The following MED27 variants were observed in gnomAD, a reference collection of about 807,000 sequenced individuals.
The protein encoded by MED27 is mediator complex subunit 27, also known as mediator of RNA polymerase II transcription subunit 27.
Under a neutral mutation model 38.2 loss-of-function variants are expected in MED27, and 30 were observed. The observed-to-expected ratio is 0.79, with a 90% CI of 0.59 to 1.07. MED27 has a LOEUF of 1.07. Ranked by LOEUF, MED27 falls within the 50% of genes least tolerant of loss-of-function variation. The pLI, the probability that MED27 is intolerant of heterozygous loss-of-function variation, is 0.00. For missense variants in MED27, 289 were observed against 397.5 expected (o/e 0.73, Z 2.32); for synonymous variants, 122 against 153.5 (o/e 0.79, Z 1.52).
chr9:132,068,200 A>C lies in MED27; in HGVS notation c.348+9242T>G, dbSNP rs528918150. On this transcript the variant is annotated intron_variant, in intron 2 of 7. Transcript: ENST00000292035. ...GTACAGAGACTCCCCCGGGCCACAC[A>C]CTCGCATGCAGTATTCACATCATCC... 3.9e-5 allele frequency among the ~76,000 whole-genome samples: 6 copies of C among 152,064 alleles called. No individual in the cohort carries two copies. The East Asian group carries it at 9.7e-4, about 25-fold the overall frequency.
At chr9:132,043,953 T>C (rs1339581890) in intron 2 of MED27, among the ~76,000 whole-genome samples, 2 of 152,248 alleles carry the variant, frequency 1.3e-5, no homozygotes, top group Non-Finnish European at 2.9e-5. Flanking sequence ...ATGAGACTCA[T>C]ACACCGTAGT....
At chr9:132,000,636 T>C (rs1477761534) in intron 3 of MED27, among the ~76,000 whole-genome samples, 1 of 152,084 alleles carries the variant, frequency 6.6e-6, no homozygotes, top group Non-Finnish European at 1.5e-5. Context: ...CTGCAGTATA[T>C]CCAATTGGTG....
At chr9:131,879,903 C>A (rs1839006040) in intron 6 of MED27, among the ~76,000 whole-genome samples, 1 of 152,198 alleles carries the variant, frequency 6.6e-6, no homozygotes, top group South Asian at 2.1e-4. Flanking sequence ...TCCTAAAAAG[C>A]GGAGTTTAGA....
At chr9:131,979,632 T>C (rs769433285) in intron 3 of MED27, among the ~76,000 whole-genome samples, 14 of 152,302 alleles carry the variant, frequency 9.2e-5, no homozygotes, top group East Asian at 1.9e-4. Context: ...AAATATGGCA[T>C]TGAATAAAGA....
chr9:131,875,264 C>T (rs1319515651), intron 6 of MED27, among the ~76,000 whole-genome samples: 1 of 152,098 alleles, frequency 6.6e-6, no homozygotes, highest in Non-Finnish European at 1.5e-5. Context: ...TGGTGTCTTA[C>T]AGGATCTTCA....
intron 3 of MED27, among the ~76,000 whole-genome samples, chr9:131,959,562 G>A (rs986162227): frequency 1.3e-5 from 2 of 152,130 alleles, no homozygotes; most frequent in Non-Finnish European, 2.9e-5. Context: ...CTCTGGCTTC[G>A]GTTTCCTCTT....
chr9:131,936,605 C>T (rs1249348902), intron 4 of MED27, among the ~76,000 whole-genome samples: 2 of 152,322 alleles, frequency 1.3e-5, no homozygotes, highest in East Asian at 1.9e-4. Context: ...GGATGGAAGG[C>T]GGTTAATACG....
chr9:131,880,221 A>C (rs983325516), intron 6 of MED27, among the ~76,000 whole-genome samples: 2 of 152,190 alleles, frequency 1.3e-5, no homozygotes, highest in African/African-American at 4.8e-5. Context: ...CAAGATCCCA[A>C]ACTCATTCTG....
chr9:131,945,135 A>G (rs1053841768), intron 3 of MED27, among the ~76,000 whole-genome samples: 3 of 147,252 alleles, frequency 2.0e-5, no homozygotes, highest in African/African-American at 7.3e-5. Context: ...AAATATCTTT[A>G]TATATAAAAA....
chr9:132,014,988 A>G (rs943176286), intron 2 of MED27, among the ~76,000 whole-genome samples: 2 of 152,208 alleles, frequency 1.3e-5, no homozygotes, highest in African/African-American at 4.8e-5. Flanking sequence ...CCTTAGAGAC[A>G]AAGTTAGTTC....
At chr9:131,977,916 C>T (rs1347440431) in intron 3 of MED27, among the ~76,000 whole-genome samples, 1 of 152,100 alleles carries the variant, frequency 6.6e-6, no homozygotes, top group African/African-American at 2.4e-5. Context: ...TAGACGTGTT[C>T]CAGCTGATAG....
At chr9:131,942,460 C>T (rs1475936477) in intron 3 of MED27, among the ~76,000 whole-genome samples, 4 of 152,192 alleles carry the variant, frequency 2.6e-5, no homozygotes, top group Admixed American at 2.6e-4. Context: ...TCCGACTCAG[C>T]AGGAAGCAAA....
intron 2 of MED27, among the ~76,000 whole-genome samples, chr9:132,048,576 C>T (rs919496398): frequency 3.9e-5 from 6 of 152,152 alleles, no homozygotes; most frequent in African/African-American, 1.4e-4. Context: ...TTAAAGGTCC[C>T]CAACCTCCCA....
intron 3 of MED27, among the ~76,000 whole-genome samples, chr9:131,956,387 G>A (rs896249732): frequency 1.3e-5 from 2 of 152,132 alleles, no homozygotes; most frequent in East Asian, 1.9e-4. Flanking sequence ...AGGCCGAGGC[G>A]GGCAGATCAC....
At chr9:131,956,201 G>A (rs1831094179) in intron 3 of MED27, among the ~76,000 whole-genome samples, 1 of 152,146 alleles carries the variant, frequency 6.6e-6, no homozygotes, top group Non-Finnish European at 1.5e-5. Flanking sequence ...CCACTTTTAG[G>A]ATATACTTAC....
chr9:132,045,423 C>G (rs934647749), intron 2 of MED27, among the ~76,000 whole-genome samples: 1 of 145,690 alleles, frequency 6.9e-6, no homozygotes, highest in Non-Finnish European at 1.5e-5. Flanking sequence ...TACACACACA[C>G]ACACACACAC....
At chr9:131,918,397 A>C (rs1830331660) in intron 4 of MED27, among the ~76,000 whole-genome samples, 1 of 152,240 alleles carries the variant, frequency 6.6e-6, no homozygotes, top group South Asian at 2.1e-4. Context: ...TAAGTGCACC[A>C]CTGCCTCTGG....
chr9:131,899,408 T>C (rs758719391), intron 4 of MED27, among the ~76,000 whole-genome samples: 6 of 152,238 alleles, frequency 3.9e-5, no homozygotes, highest in Admixed American at 6.5e-5. Flanking sequence ...CCAGACCTCC[T>C]GGCGGTGGCC....
At chr9:131,921,344 A>T (rs894590638) in intron 4 of MED27, among the ~76,000 whole-genome samples, 1 of 152,186 alleles carries the variant, frequency 6.6e-6, no homozygotes, top group Non-Finnish European at 1.5e-5. Flanking sequence ...TTCTTGTCTG[A>T]AACAATTACT....
Sources: gnomAD v4.1 joint callset for allele counts (sites outside exome capture counted in the v4.1 genomes callset) on GRCh38, gnomAD v4.1.1 for gene constraint, MANE v1.5 for transcripts, NCBI Gene and HGNC (gene_info 2026-07-23, HGNC 2026-07-21) for gene names.